Variants in ABITRAM observed in about 807,000 individuals in gnomAD.
ABITRAM encodes the protein actin binding transcription modulator.
A neutral mutation model predicts 22.9 loss-of-function variants in ABITRAM; 19 were observed. The ratio of observed to expected loss-of-function variants is 0.83; its 90% CI spans 0.58 to 1.22. The LOEUF (loss-of-function observed/expected upper bound fraction) is 1.22. Ranked by LOEUF, ABITRAM falls within the 50% of genes most tolerant of loss-of-function variation. ABITRAM has a pLI of 0.00. For missense variants in ABITRAM, 215 were observed against 220.2 expected, an observed-to-expected ratio of 0.98 and a Z score of 0.15; for synonymous variants, 70 against 73.9, an observed-to-expected ratio of 0.95 and a Z score of 0.27.
chr9:108,948,579 G>A (rs1236285396), intron 3 of ABITRAM, among the ~76,000 whole-genome samples: 1 of 152,026 alleles, frequency 6.6e-6, no homozygotes, highest in Non-Finnish European at 1.5e-5. Flanking sequence ...CCTTTGTTAC[G>A]TAATGGAAAG....
intron 3 of ABITRAM, among the ~76,000 whole-genome samples, chr9:108,938,183 TG>T (rs1830211282): frequency 6.6e-6 from 1 of 152,182 alleles, no homozygotes; most frequent in Non-Finnish European, 1.5e-5. Flanking sequence ...CTTTTGTGTC[TG>T]CTCTTTTAAC....
downstream of ABITRAM, among the ~76,000 whole-genome samples, chr9:108,944,929 G>C (rs954532777): frequency 1.3e-5 from 2 of 152,148 alleles, no homozygotes; most frequent in Admixed American, 1.3e-4. Context: ...CTTTAAAAGG[G>C]AAACCAGTAA....
chr9:108,943,035 A>C, downstream of ABITRAM: 2 of 1,610,692 alleles, frequency 1.2e-6, no homozygotes, highest in Non-Finnish European at 1.7e-6. Flanking sequence ...TTCGTAATAC[A>C]CTTGTCAACC....
intron 1 of ABITRAM, among the ~76,000 whole-genome samples, chr9:108,935,141 T>C (rs183660154): frequency 6.8e-4 from 103 of 152,298 alleles, no homozygotes; most frequent in African/African-American, 2.4e-3. Flanking sequence ...TTTCTTCCTT[T>C]CATTCAGTGA....
chr9:108,943,782 T>A (rs141504242), downstream of ABITRAM: 34 of 1,613,732 alleles, frequency 2.1e-5, no homozygotes, highest in South Asian at 3.2e-4. Flanking sequence ...CTTGTTTATT[T>A]CCAGGAGAAG....
chr9:108,936,835 G>GA (rs549199660), intron 3 of ABITRAM, among the ~76,000 whole-genome samples: 1 of 147,416 alleles, frequency 6.8e-6, no homozygotes. Flanking sequence ...AAATTAAACA[G>GA]AAAAAAAATT....
downstream of ABITRAM, chr9:108,943,706 T>C: frequency 6.2e-7 from 1 of 1,608,414 alleles, no homozygotes; most frequent in Non-Finnish European, 8.5e-7. Flanking sequence ...CTTTTACCTT[T>C]AGAAATACTT....
chr9:108,950,350 A>G (rs1221462385), intron 3 of ABITRAM, among the ~76,000 whole-genome samples: 1 of 152,222 alleles, frequency 6.6e-6, no homozygotes, highest in Non-Finnish European at 1.5e-5. Flanking sequence ...GGAAGACTCA[A>G]TCACAGGATA....
intron 2 of ABITRAM, 76 bp from the exon 3 acceptor site, chr9:108,936,232 T>C: frequency 2.6e-6 from 4 of 1,523,478 alleles, no homozygotes. Flanking sequence ...AGTTCATACA[T>C]TCTTGTTCCA....
At chr9:108,937,202 A>G (rs1461166005) in intron 3 of ABITRAM, among the ~76,000 whole-genome samples, 2 of 152,078 alleles carry the variant, frequency 1.3e-5, no homozygotes, top group African/African-American at 2.4e-5. Flanking sequence ...ACGAGAAAAT[A>G]TATTTGCTCC....
chr9:108,934,543 C>T lies in ABITRAM; in HGVS notation c.57C>T (p.Tyr19=). 1.2e-6 allele frequency: 2 copies of T among 1,606,554 alleles called. No individual in the cohort carries two copies. The highest frequency in any genetic ancestry group is 1.7e-6 in the Non-Finnish European group (2 of 1,177,362). The change falls in exon 1 of 6, where the codon TAC becomes TAT. Residue 19 remains tyrosine, a synonymous_variant. Coordinates refer to ENST00000322940, the MANE Select transcript of ABITRAM (RefSeq NM_017832.4). ...EPVVPSLVDR[Y]FTRWYKPDVK... is the part of the protein sequence containing the mutation. ...TGGTGCCTTCGCTCGTGGATCGATACTTCACTCGCTGGTACAAACCGGGTA... is the reference window on the plus strand; with the variant it reads ...TGGTGCCTTCGCTCGTGGATCGATATTTCACTCGCTGGTACAAACCGGGTA...
intron 3 of ABITRAM, among the ~76,000 whole-genome samples, chr9:108,937,091 C>T (rs1830198723): frequency 6.6e-6 from 1 of 152,160 alleles, no homozygotes; most frequent in Non-Finnish European, 1.5e-5. Context: ...ACCTGGGAGG[C>T]GGAGGTTGCA....
exon 4 of ABITRAM, chr9:108,950,528 G>C (rs1284424099): frequency 1.9e-6 from 3 of 1,550,176 alleles, no homozygotes; most frequent in Admixed American, 2.0e-5. Context: ...TCTAGAAAAG[G>C]TAGAAGACGT....
downstream of ABITRAM, chr9:108,940,967 T>G (rs1162674234): frequency 1.3e-5 from 2 of 152,202 alleles, no homozygotes; most frequent in Non-Finnish European, 2.9e-5. Context: ...AATCATTCGA[T>G]GTATTAATTC....
rs1394205336 is a variant in ABITRAM at position 108,935,672 on chromosome 9, A to G, written c.114A>G (p.Ile38Met). The G allele has an allele frequency of 6.2e-7, 1 of 1,613,460 alleles. No individual in the cohort carries two copies. The highest frequency in any genetic ancestry group is 1.7e-5 in the Admixed American group (1 of 59,964). ...GAAAATTTTGTGAGGACCACTGTAT[A>G]CTACAGCACTCTAACCGGTAAGCAA... The part of the protein sequence containing the change: ...VKGKFCEDHC[I>M]LQHSNRICVI... Residue 38 changes from isoleucine to methionine, a missense_variant, in exon 2 of 6, where the codon ATA becomes ATG. By Grantham distance (10) the Ile-to-Met change is conservative. Transcript: ENST00000322940.
chr9:108,941,866 C>T (rs906643011), downstream of ABITRAM, among the ~76,000 whole-genome samples: 1 of 152,106 alleles, frequency 6.6e-6, no homozygotes, highest in African/African-American at 2.4e-5. Context: ...TGACCCCACC[C>T]ACAAAAACAA....
chr9:108,943,167 T>TA, downstream of ABITRAM: 1 of 923,672 alleles, frequency 1.1e-6, no homozygotes, highest in African/African-American at 1.7e-5. Context: ...TTGAAAGAGA[T>TA]ATGGATTTAG....
At chr9:108,942,712 T>A, downstream of ABITRAM, 3 of 1,124,026 alleles carry the variant, frequency 2.7e-6, no homozygotes, top group Non-Finnish European at 4.0e-6. Context: ...ATCATTTGAT[T>A]TTTAAAAATG....
Position 108,939,436 on chromosome 9 carries a change from A to G in ABITRAM, c.390A>G (p.Pro130=). 5 of 1,610,434 alleles carry G rather than the reference A, an allele frequency of 3.1e-6. No individual in the cohort carries two copies. Among genetic ancestry groups the G allele is most frequent in the Non-Finnish European group, 4.2e-6 (5 of 1,179,116 alleles). The part of the protein sequence containing the change: ...MEVNENILHK[P]SILQEKPSTE... The stretch of plus-strand genomic sequence containing the variant: ...TGAATGAAAACATCCTCCATAAGCC[A>G]TCTATTCTTCAAGAAAAGGTAAAAG... The change falls in exon 5 of 6, where the codon CCA becomes CCG. Residue 130 remains proline, a synonymous_variant. Transcript: ENST00000322940.
Sources: gnomAD v4.1 joint callset for allele counts (sites outside exome capture counted in the v4.1 genomes callset) on GRCh38, gnomAD v4.1.1 for gene constraint, MANE v1.5 for transcripts, NCBI Gene and HGNC (gene_info 2026-07-23, HGNC 2026-07-21) for gene names.